Variants in PTK2B observed in about 807,000 individuals in gnomAD.
PTK2B encodes the protein protein tyrosine kinase 2 beta.
Under a neutral mutation model 142.9 loss-of-function variants are expected in PTK2B, and 71 were observed. The observed-to-expected ratio is 0.50, with a 90% CI of 0.41 to 0.61. The LOEUF is 0.61. Among genes scored for constraint, PTK2B ranks in the 20% least tolerant of loss-of-function variants. The pLI is 0.00. For missense variants in PTK2B, 1,105 were observed against 1,320.4 expected (o/e 0.84, Z 2.53); for synonymous variants, 519 against 503.4 (o/e 1.03, Z -0.42).
intron 2 of PTK2B, among the ~76,000 whole-genome samples, chr8:27,411,311 A>G (rs1809047668): frequency 6.6e-6 from 1 of 152,194 alleles, no homozygotes; most frequent in Non-Finnish European, 1.5e-5. Context: ...GGGCTCGTGC[A>G]AGAGCCAATG....
Position 27,458,693 on chromosome 8 carries a change from C to A in PTK2B, c.*184C>A. On this transcript the variant is annotated 3_prime_UTR_variant, in exon 31 of 31. Coordinates refer to ENST00000346049, the MANE Select transcript of PTK2B (RefSeq NM_173176.3). The stretch of plus-strand genomic sequence containing the variant: ...CTGTACTGCTCAGGCTGCAGCTGGA[C>A]AGAGGGGACTCTGGGCTATGGACAC... The A allele has an allele frequency of 1.6e-6, 1 of 632,822 alleles. No individual in the cohort carries two copies. 39.2% of individuals were successfully genotyped at this position (632,822 alleles called of 1,614,324 possible).
chr8:27,419,142 G>C (rs1809585983), intron 2 of PTK2B, among the ~76,000 whole-genome samples: 1 of 152,242 alleles, frequency 6.6e-6, no homozygotes, highest in Non-Finnish European at 1.5e-5. Context: ...CTCTAGGCCA[G>C]GAAGCTGTGG....
chr8:27,310,872 A>T (rs746256855), upstream of PTK2B: 1 of 1,612,582 alleles, frequency 6.2e-7, no homozygotes, highest in South Asian at 1.1e-5. Flanking sequence ...GCCTGGCAGG[A>T]GCAGCACAGC....
At chr8:27,431,161 G>T in intron 8 of PTK2B, 145 bp downstream of exon 8, 1 of 1,480,344 alleles carries the variant, frequency 6.8e-7, no homozygotes, top group Admixed American at 2.2e-5. Flanking sequence ...GTCGGTGGAA[G>T]TCAAAAGCAT....
intron 12 of PTK2B, 64 bp from the exon 13 acceptor site, chr8:27,434,449 G>A (rs1810644337): frequency 6.5e-7 from 1 of 1,527,462 alleles, no homozygotes; most frequent in African/African-American, 1.4e-5. Flanking sequence ...GCGGGCCGAG[G>A]CTGCCCAGGG....
chr8:27,314,681 C>G (rs1803055762), intron 3 of PTK2B, among the ~76,000 whole-genome samples: 1 of 152,238 alleles, frequency 6.6e-6, no homozygotes, highest in Non-Finnish European at 1.5e-5. Context: ...CTTTGAGCCC[C>G]TATCTCAGGC....
At chr8:27,447,411 T>A (rs909090480) in intron 24 of PTK2B, among the ~76,000 whole-genome samples, 11 of 152,210 alleles carry the variant, frequency 7.2e-5, no homozygotes, top group African/African-American at 2.7e-4. Context: ...TTGGAAGCAT[T>A]TAACAAAAAT....
intron 1 of PTK2B, among the ~76,000 whole-genome samples, chr8:27,342,563 G>T (rs1286007275): frequency 6.6e-6 from 1 of 152,066 alleles, no homozygotes; most frequent in Non-Finnish European, 1.5e-5. Context: ...TTCGTTCCCG[G>T]TGTTCTCGAA....
At chr8:27,311,169 C>T, upstream of PTK2B, 1 of 1,606,782 alleles carries the variant, frequency 6.2e-7, no homozygotes, top group Non-Finnish European at 8.5e-7. Flanking sequence ...TCGTAGCAGA[C>T]GGCGCAGAGC....
chr8:27,376,005 A>G (rs1446910437), intron 1 of PTK2B, among the ~76,000 whole-genome samples: 4 of 152,212 alleles, frequency 2.6e-5, no homozygotes, highest in African/African-American at 9.6e-5. Flanking sequence ...TGTGGGATGA[A>G]GAGGTTTGTG....
chr8:27,355,541 T>G (rs1263281883), intron 1 of PTK2B, among the ~76,000 whole-genome samples: 4 of 152,208 alleles, frequency 2.6e-5, no homozygotes, highest in African/African-American at 9.7e-5. Flanking sequence ...AAATTAGTGT[T>G]GTTTTAAGCC....
chr8:27,455,064 G>T (rs1451098438), intron 30 of PTK2B, among the ~76,000 whole-genome samples: 1 of 152,182 alleles, frequency 6.6e-6, no homozygotes, highest in African/African-American at 2.4e-5. Flanking sequence ...GATGGTTCCT[G>T]TAGTAGGGAG....
rs1376402337 is a variant in PTK2B at position 27,458,614 on chromosome 8, A to G, written c.*105A>G. 3 of 1,221,336 alleles carry G rather than the reference A, an allele frequency of 2.5e-6. No homozygotes were observed. The highest frequency in any genetic ancestry group is 2.3e-6 in the Non-Finnish European group (2 of 875,876). 75.7% of individuals were successfully genotyped at this position (1,221,336 alleles called of 1,614,324 possible). The stretch of plus-strand genomic sequence containing the variant: ...GTCTTCCAGGGGGAAGGCCAAGGGG[A>G]GTCACCTTCCCTTGCCACTTTGCAC... On this transcript the variant is annotated 3_prime_UTR_variant, in exon 31 of 31. Coordinates refer to ENST00000346049, the MANE Select transcript of PTK2B (RefSeq NM_173176.3).
intron 18 of PTK2B, chr8:27,438,115 G>A (rs1810908192): frequency 2.1e-6 from 1 of 484,846 alleles, no homozygotes; most frequent in Admixed American, 3.3e-5. Flanking sequence ...AGTCCGAGGT[G>A]TCTGTCTATA....
At chr8:27,445,399 C>T (rs1372916587) in intron 23 of PTK2B, among the ~76,000 whole-genome samples, 1 of 152,142 alleles carries the variant, frequency 6.6e-6, no homozygotes, top group Non-Finnish European at 1.5e-5. Context: ...GGCAACAGAG[C>T]AAGAGCCTAT....
chr8:27,371,767 C>T (rs1009264740), intron 1 of PTK2B, among the ~76,000 whole-genome samples: 2 of 152,116 alleles, frequency 1.3e-5, no homozygotes, highest in Admixed American at 1.3e-4. Flanking sequence ...AGGCTGGTCT[C>T]GAACTCCTGA....
intron 5 of PTK2B, among the ~76,000 whole-genome samples, chr8:27,424,611 C>T (rs1388959948): frequency 3.3e-5 from 5 of 152,166 alleles, no homozygotes; most frequent in African/African-American, 7.2e-5. Flanking sequence ...AGAAGATTTG[C>T]AGGTCTAATA....
Position 27,437,389 on chromosome 8 carries a change from A to C in PTK2B, c.1427-7A>C. 1 of 1,609,568 alleles carries C rather than the reference A, an allele frequency of 6.2e-7. No individual in the cohort carries two copies. The highest frequency in any genetic ancestry group is 1.3e-5 in the African/African-American group (1 of 74,808). On this transcript the variant is annotated splice_polypyrimidine_tract_variant and splice_region_variant and intron_variant, in intron 16 of 30. Transcript: ENST00000346049. ...CCACCTGTCCCTCTTGCCCCACCAC[A>C]CTGCAGTGATCATGAAGAACCTCGA... is the stretch of plus-strand genomic sequence containing the variant.
chr8:27,452,935 T>C, intron 27 of PTK2B, 179 bp from the exon 28 acceptor site: 2 of 679,354 alleles, frequency 2.9e-6, no homozygotes, highest in South Asian at 3.9e-5. Context: ...TGTCCCTGAC[T>C]ACTGCAAAAC....
Sources: allele counts gnomAD v4.1 joint callset (sites outside exome capture counted in the v4.1 genomes callset), GRCh38; gene constraint gnomAD v4.1.1; transcripts MANE v1.5; gene names NCBI Gene and HGNC (gene_info 2026-07-23, HGNC 2026-07-21).